Variants in UBA6 observed in about 807,000 individuals in gnomAD.
UBA6 encodes the protein ubiquitin like modifier activating enzyme 6.
UBA6 carries 87 observed loss-of-function variants against 148.3 expected under a neutral mutation model. The ratio of observed to expected loss-of-function variants is 0.59; its 90% CI spans 0.49 to 0.70. The LOEUF (loss-of-function observed/expected upper bound fraction) is 0.70, where lower values mean the gene tolerates loss of function less well. Among genes scored for constraint, UBA6 ranks in the 30% least tolerant of loss-of-function variants. UBA6 has a pLI of 0.00. For missense variants in UBA6, 1,186 were observed against 1,241.2 expected (o/e 0.96, Z 0.67); for synonymous variants, 376 against 401.0 (o/e 0.94, Z 0.75).
chr4:67,700,902 C>G, intron 1 of UBA6, 147 bp downstream of exon 1: 1 of 912,596 alleles, frequency 1.1e-6, no homozygotes, highest in Non-Finnish European at 1.7e-6. Context: ...CACACCCACT[C>G]CGCGCGCGCC....
intron 6 of UBA6, among the ~76,000 whole-genome samples, chr4:67,674,045 T>A (rs529784958): frequency 1.3e-5 from 2 of 152,330 alleles, no homozygotes; most frequent in African/African-American, 4.8e-5. Flanking sequence ...AACCTTAATA[T>A]CCTATGCAGT....
At chr4:67,619,428 C>A (rs558089774) in intron 32 of UBA6, among the ~76,000 whole-genome samples, 1 of 152,334 alleles carries the variant, frequency 6.6e-6, no homozygotes, top group African/African-American at 2.4e-5. Flanking sequence ...GTAATCCCAG[C>A]ACTTTGGGAG....
Position 67,631,960 on chromosome 4 carries a change from AAAAATTAAAAAAT to A in UBA6, c.2143-65_2143-53del, listed in dbSNP as rs1427939577. 3.3e-6 allele frequency: 5 copies of A among 1,494,138 alleles called. No individual in the cohort carries two copies. The African/African-American group carries it at 4.3e-5, about 13-fold the overall frequency. The allele number at this position is 1,494,138 out of a possible 1,614,324, so 92.6% of individuals were successfully genotyped here. ...ACCCACTACTTAATATTATCTGAGG[AAAAATTAAAAAAT>A]AAAATTAAAAAATGTGTGTAGTAAA... On this transcript the variant is annotated intron_variant, in intron 23 of 32. Transcript: ENST00000322244.
chr4:67,641,281 T>C, intron 17 of UBA6, 53 bp from the exon 18 acceptor site: 1 of 1,144,286 alleles, frequency 8.7e-7, no homozygotes, highest in Non-Finnish European at 1.3e-6. Flanking sequence ...TTTTAATCTA[T>C]TTTTCTTTTC....
rs76232878 is a variant in UBA6, at chr4:67,636,116, T to C, written c.1737-558A>G. Reference sequence around the variant, plus strand: ...TGTAAGGTGAACACATTTATAGTCATTCATTCATCTACTTATTTAAGGAAT... The same window carrying C: ...TGTAAGGTGAACACATTTATAGTCACTCATTCATCTACTTATTTAAGGAAT... On this transcript the variant is annotated intron_variant, in intron 19 of 32. Coordinates refer to ENST00000322244, the MANE Select transcript of UBA6 (RefSeq NM_018227.6). Among the ~76,000 whole-genome samples, 536 of 152,336 alleles carry C rather than the reference T, an allele frequency of 3.5e-3. 1 individual carries two copies. The highest frequency in any genetic ancestry group is 0.011 in the African/African-American group (462 of 41,586).
chr4:67,655,465 G>C (rs1729663458), intron 13 of UBA6, among the ~76,000 whole-genome samples: 1 of 152,148 alleles, frequency 6.6e-6, no homozygotes, highest in African/African-American at 2.4e-5. Context: ...AATGAAGGTA[G>C]AAATAAAGAT....
intron 2 of UBA6, among the ~76,000 whole-genome samples, chr4:67,691,493 T>A (rs1257995790): frequency 1.3e-5 from 2 of 152,226 alleles, no homozygotes; most frequent in African/African-American, 4.8e-5. Flanking sequence ...CATGTGACTC[T>A]ATTCATCTTT....
chr4:67,699,907 A>G (rs186672691), intron 1 of UBA6, among the ~76,000 whole-genome samples: 6 of 152,278 alleles, frequency 3.9e-5, no homozygotes, highest in East Asian at 1.9e-4. Context: ...CGCCCGGCCA[A>G]AGTTTTTTAT....
At chr4:67,645,137 T>C (rs561776208) in intron 16 of UBA6, among the ~76,000 whole-genome samples, 16 of 152,270 alleles carry the variant, frequency 1.1e-4, no homozygotes, top group East Asian at 9.6e-4. Context: ...TCCATATGCA[T>C]GTAAAAAGCT....
intron 32 of UBA6, 102 bp from the exon 33 acceptor site, chr4:67,619,234 C>T (rs1196500213): frequency 3.8e-6 from 3 of 781,912 alleles, no homozygotes; most frequent in Non-Finnish European, 6.2e-6. Context: ...TGTATCTAGA[C>T]TTTAACATCT....
intron 1 of UBA6, among the ~76,000 whole-genome samples, chr4:67,697,288 G>A (rs1730864346): frequency 6.6e-6 from 1 of 152,162 alleles, no homozygotes; most frequent in African/African-American, 2.4e-5. Context: ...TACAGGCGTG[G>A]GCCACTGTGC....
chr4:67,634,481 A>T lies in UBA6; in HGVS notation c.1880T>A (p.Leu627Gln). 10 of 1,588,846 alleles carry T rather than the reference A, an allele frequency of 6.3e-6. No homozygotes were observed. Among genetic ancestry groups the T allele is most frequent in the Non-Finnish European group, 8.5e-6 (10 of 1,173,120 alleles). ...TTCAATAGCAGCTGGAAAGGATTTT[A>T]GAGTACAAAATGGTATTTCCTCTTC... ...PPEEEIPFCT[L>Q]KSFPAAIEHT... is the part of the protein sequence containing the mutation. The change falls in exon 21 of 33, where the codon CTA becomes CAA. Residue 627 changes from leucine (L) to glutamine (Q), a missense_variant. Coordinates refer to ENST00000322244, the MANE Select transcript of UBA6 (RefSeq NM_018227.6).
chr4:67,668,615 T>C lies in UBA6; in HGVS notation c.729A>G (p.Gln243=), dbSNP rs755809177. The part of the protein sequence containing the change: ...ENHPHKLETG[Q]FLTFREINGM... ...CATTAATTTCTCGAAATGTTAGGAA[T>C]TGTCCTGTCTCCAGTTTGTGAGGAT... Residue 243 remains glutamine (Q), a synonymous_variant, in exon 9 of 33, where the codon CAA becomes CAG. Transcript: ENST00000322244. 4 of 1,613,104 alleles carry C rather than the reference T, an allele frequency of 2.5e-6. No homozygotes were observed. In the East Asian group the frequency reaches 6.7e-5, roughly 27 times the overall value.
intron 2 of UBA6, among the ~76,000 whole-genome samples, chr4:67,693,724 G>T (rs1385477463): frequency 6.6e-6 from 1 of 152,158 alleles, no homozygotes; most frequent in Non-Finnish European, 1.5e-5. Flanking sequence ...GTGTGAAAGA[G>T]AACGGAGAGA....
intron 8 of UBA6, among the ~76,000 whole-genome samples, chr4:67,669,311 A>C (rs1730084568): frequency 6.6e-6 from 1 of 152,216 alleles, no homozygotes; most frequent in South Asian, 2.1e-4. Context: ...TAACTCAGGT[A>C]GATAATAATC....
chr4:67,634,905 G>A (rs926544612), intron 20 of UBA6, among the ~76,000 whole-genome samples: 1 of 152,072 alleles, frequency 6.6e-6, no homozygotes, highest in Non-Finnish European at 1.5e-5. Context: ...AGAAAAGCAT[G>A]AGTTTTTCCA....
At chr4:67,638,545 T>C (rs1012630749) in intron 19 of UBA6, among the ~76,000 whole-genome samples, 1 of 152,150 alleles carries the variant, frequency 6.6e-6, no homozygotes, top group Non-Finnish European at 1.5e-5. Context: ...GGGGCATTTC[T>C]GGGGGTGAAG....
chr4:67,682,091 A>ATGC, intron 3 of UBA6, 28 bp downstream of exon 3: 1 of 1,538,012 alleles, frequency 6.5e-7, no homozygotes, highest in Non-Finnish European at 9.0e-7. Context: ...CAAAAGTGTC[A>ATGC]AAAATTAGGA....
rs185222475 is a variant in UBA6 at position 67,694,587 on chromosome 4, C to T, written c.134+2058G>A. Among the ~76,000 whole-genome samples, 330 of 151,966 alleles carry T rather than the reference C, an allele frequency of 2.2e-3. 6 individuals are homozygous for T. The highest frequency in any genetic ancestry group is 0.019 in the Admixed American group (294 of 15,280). On this transcript the variant is annotated intron_variant, in intron 2 of 32. Transcript: ENST00000322244. The stretch of plus-strand genomic sequence containing the variant: ...TAATTTTTTGTATTTTTAGTAGAGA[C>T]GGGGTTTCACTGTGTTAGCCAGGAT...
Sources: allele counts gnomAD v4.1 joint callset (sites outside exome capture counted in the v4.1 genomes callset), GRCh38; gene constraint gnomAD v4.1.1; transcripts MANE v1.5; gene names NCBI Gene and HGNC (gene_info 2026-07-23, HGNC 2026-07-21).